UNC13B: variants seen among roughly 807,000 people sequenced by gnomAD.
UNC13B encodes the protein unc-13 homolog B.
In UNC13B, 144 loss-of-function variants were observed where a neutral mutation model predicts 211.0. The observed-to-expected ratio is 0.68, with a 90% CI of 0.60 to 0.78. The LOEUF (loss-of-function observed/expected upper bound fraction) is 0.78, where lower values mean the gene tolerates loss of function less well. UNC13B is among the 30% of genes least tolerant of loss of function. The pLI is 0.00. For missense variants in UNC13B, 1,777 were observed against 2,002.0 expected (o/e 0.89, Z 2.14); for synonymous variants, 709 against 725.8 (o/e 0.98, Z 0.37).
chr9:35,357,238 C>T (rs1339414993), intron 11 of UNC13B, among the ~76,000 whole-genome samples: 1 of 152,108 alleles, frequency 6.6e-6, no homozygotes, highest in Admixed American at 6.6e-5. Context: ...TCCTTGGCAA[C>T]ACTTGTTATT....
intron 11 of UNC13B, among the ~76,000 whole-genome samples, chr9:35,366,466 A>G (rs1188285743): frequency 6.6e-6 from 1 of 152,144 alleles, no homozygotes; most frequent in East Asian, 1.9e-4. Context: ...AAGGCACCCA[A>G]ACTAAATCCA....
intron 11 of UNC13B, chr9:35,342,226 G>GGAGT: frequency 1.0e-6 from 1 of 985,734 alleles, no homozygotes; most frequent in Non-Finnish European, 1.2e-6. Context: ...GTCAAACCAA[G>GGAGT]GAGTGCTCCT....
intron 11 of UNC13B, chr9:35,351,345 C>T: frequency 8.2e-7 from 1 of 1,225,114 alleles, no homozygotes; most frequent in East Asian, 3.2e-5. Flanking sequence ...GTTTGGAGGC[C>T]ACACATGGGG....
At position 35,166,071 on chromosome 9, in the gene UNC13B, A is replaced by AT. The variant is rs138500221; in HGVS notation, c.22+3773dup. 8.5e-5 allele frequency among the ~76,000 whole-genome samples: 13 copies of AT among 152,098 alleles called. No homozygotes were observed. In the South Asian group the frequency reaches 1.5e-3, roughly 17 times the overall value. ...ACATAGTTAGATAATTTAACTATGG[A>AT]TTTTTTTCCCCCAAAAGTAATAAAT... On this transcript the variant is annotated intron_variant, in intron 1 of 39. Coordinates refer to ENST00000635942, the MANE Select transcript of UNC13B (RefSeq NM_001371189.2).
chr9:35,341,840 A>T, intron 11 of UNC13B: 1 of 813,680 alleles, frequency 1.2e-6, no homozygotes, highest in Non-Finnish European at 1.5e-6. Context: ...GGCAGGAAGC[A>T]GCTGGAGAGG....
intron 12 of UNC13B, among the ~76,000 whole-genome samples, chr9:35,369,099 G>T (rs1000742734): frequency 6.6e-6 from 1 of 152,118 alleles, no homozygotes; most frequent in African/African-American, 2.4e-5. Flanking sequence ...TAAAAACAAA[G>T]CCTACTGCCT....
chr9:35,285,693 C>G (rs1398616443), intron 7 of UNC13B, among the ~76,000 whole-genome samples: 2 of 152,202 alleles, frequency 1.3e-5, no homozygotes, highest in Non-Finnish European at 2.9e-5. Context: ...AGGGCAAGAC[C>G]TGGTTTCTAA....
Position 35,237,585 on chromosome 9 carries a change from C to G in UNC13B, c.271-118C>G. 2 of 1,298,060 alleles carry G rather than the reference C, an allele frequency of 1.5e-6. 1 individual carries two copies. The highest frequency in any genetic ancestry group is 2.7e-5 in the South Asian group (2 of 73,022). The allele number at this position is 1,298,060 out of a possible 1,614,324, so 80.4% of individuals were successfully genotyped here. A position where few individuals can be genotyped will look rare whatever the true frequency, so the allele number is the denominator to read the frequency against. ...GGTGATAGTGGTGTGTTTGCCTTAT[C>G]AGGATGTGAATGGCCCTCAGAAGCT... On this transcript the variant is annotated intron_variant, in intron 4 of 39. Coordinates refer to ENST00000635942, the MANE Select transcript of UNC13B (RefSeq NM_001371189.2).
chr9:35,331,010 C>T (rs893110795), intron 11 of UNC13B, among the ~76,000 whole-genome samples: 1 of 152,170 alleles, frequency 6.6e-6, no homozygotes, highest in African/African-American at 2.4e-5. Context: ...ACATAGTTAA[C>T]TCTTATGGAA....
At chr9:35,180,004 A>T (rs1230966241) in intron 1 of UNC13B, among the ~76,000 whole-genome samples, 3 of 152,210 alleles carry the variant, frequency 2.0e-5, no homozygotes, top group Non-Finnish European at 4.4e-5. Flanking sequence ...AACTTGGGTT[A>T]TTTCTGATAA....
chr9:35,345,948 G>T (rs779366485), intron 11 of UNC13B, among the ~76,000 whole-genome samples: 1 of 152,152 alleles, frequency 6.6e-6, no homozygotes, highest in Non-Finnish European at 1.5e-5. Flanking sequence ...TCTAGCTTCT[G>T]GCCTATAAAT....
chr9:35,386,099 T>C (rs1445807418), intron 23 of UNC13B, 66 bp from the exon 24 acceptor site: 1 of 1,605,346 alleles, frequency 6.2e-7, no homozygotes, highest in East Asian at 2.2e-5. Context: ...TTTGGGGTAG[T>C]GCTAGGAGAA....
At chr9:35,166,725 TAG>T (rs1218434152) in intron 1 of UNC13B, among the ~76,000 whole-genome samples, 4 of 152,210 alleles carry the variant, frequency 2.6e-5, no homozygotes, top group Non-Finnish European at 5.9e-5. Flanking sequence ...TGAAACAGTT[TAG>T]AGTGTAAAGT....
At chr9:35,367,434 C>T (rs1215161978) in intron 12 of UNC13B, among the ~76,000 whole-genome samples, 1 of 152,176 alleles carries the variant, frequency 6.6e-6, no homozygotes, top group African/African-American at 2.4e-5. Flanking sequence ...TACAGGCATA[C>T]AGTGTGTAAT....
intron 12 of UNC13B, among the ~76,000 whole-genome samples, chr9:35,369,382 C>T (rs1351578503): frequency 6.6e-6 from 1 of 152,110 alleles, no homozygotes; most frequent in Non-Finnish European, 1.5e-5. Flanking sequence ...TTTATAGAAG[C>T]GTCACCAAGG....
chr9:35,331,248 T>C (rs1444291929), intron 11 of UNC13B, among the ~76,000 whole-genome samples: 2 of 152,192 alleles, frequency 1.3e-5, no homozygotes, highest in Non-Finnish European at 2.9e-5. Context: ...TTTTGTTTTT[T>C]CGTTTTCTTT....
At chr9:35,259,168 T>A in intron 7 of UNC13B, 118 bp downstream of exon 7, 1 of 1,054,036 alleles carries the variant, frequency 9.5e-7, no homozygotes, top group Non-Finnish European at 1.4e-6. Context: ...CAGAAGATAT[T>A]CCTGAAGCAC....
At chr9:35,322,138 A>G (rs755844909) in intron 11 of UNC13B, among the ~76,000 whole-genome samples, 11 of 152,264 alleles carry the variant, frequency 7.2e-5, no homozygotes, top group Non-Finnish European at 1.3e-4. Flanking sequence ...GAGGTTATAT[A>G]GAGTCATCTC....
At chr9:35,262,228 TTCTC>T (rs1396027755) in intron 7 of UNC13B, among the ~76,000 whole-genome samples, 1 of 151,924 alleles carries the variant, frequency 6.6e-6, no homozygotes, top group East Asian at 1.9e-4. Context: ...GTTCTTTTCT[TTCTC>T]TCTCCTTCCT....
Sources: gnomAD v4.1 joint callset for allele counts (sites outside exome capture counted in the v4.1 genomes callset) on GRCh38, gnomAD v4.1.1 for gene constraint, MANE v1.5 for transcripts, NCBI Gene and HGNC (gene_info 2026-07-23, HGNC 2026-07-21) for gene names.